SUSD6: variants seen among roughly 807,000 people sequenced by gnomAD.
SUSD6 encodes the protein sushi domain containing 6, also known as sushi domain-containing protein 6.
A neutral mutation model predicts 28.4 loss-of-function variants in SUSD6; 16 were observed. The ratio of observed to expected loss-of-function variants is 0.56; its 90% CI spans 0.38 to 0.86. The LOEUF is 0.86. Among genes scored for constraint, SUSD6 ranks in the 40% least tolerant of loss-of-function variants. The pLI is 0.00. For synonymous variants in SUSD6, 147 were observed against 159.6 expected (o/e 0.92, Z 0.59); for missense variants, 341 against 384.2 (o/e 0.89, Z 0.94).
chr14:69,631,881 G>T (rs1885200079), intron 1 of SUSD6, among the ~76,000 whole-genome samples: 1 of 152,158 alleles, frequency 6.6e-6, no homozygotes, highest in South Asian at 2.1e-4. Context: ...GTGTTTAAAG[G>T]TACAGCATGA....
intron 1 of SUSD6, 50 bp from the exon 2 acceptor site, chr14:69,658,463 C>T: frequency 2.1e-6 from 2 of 962,782 alleles, no homozygotes; most frequent in Non-Finnish European, 3.0e-6. Flanking sequence ...CTGCTTTTAA[C>T]TAACTTATGG....
intron 2 of SUSD6, among the ~76,000 whole-genome samples, chr14:69,661,643 T>C (rs1407053793): frequency 1.3e-5 from 2 of 152,130 alleles, no homozygotes; most frequent in Admixed American, 6.6e-5. Context: ...AGGTGCCCTT[T>C]CTAGGCCTGA....
intron 2 of SUSD6, among the ~76,000 whole-genome samples, chr14:69,661,178 C>T (rs182048900): frequency 2.6e-5 from 4 of 152,262 alleles, no homozygotes; most frequent in East Asian, 3.9e-4. Flanking sequence ...ACTGCCCTGG[C>T]GTGTGGTGTT....
Position 69,628,716 on chromosome 14 carries a change from T to C in SUSD6, c.-81+16888T>C, listed in dbSNP as rs1299620990. On this transcript the variant is annotated intron_variant, in intron 1 of 5. Coordinates refer to ENST00000342745, the MANE Select transcript of SUSD6 (RefSeq NM_014734.4). ...GTTGGAGTGATTCTAAAGCCTGTGG[T>C]GGGTTTTTTTTTTTTTTTTTTTGAG... is the stretch of plus-strand genomic sequence containing the variant. Among the ~76,000 whole-genome samples the C allele has an allele frequency of 2.7e-5, 3 of 109,892 alleles. No individual in the cohort carries two copies. In the South Asian group the frequency reaches 9.5e-4, roughly 35 times the overall value. The allele number at this position is 109,892 out of a possible 152,430, so 72.1% of individuals were successfully genotyped here.
intron 2 of SUSD6, among the ~76,000 whole-genome samples, chr14:69,672,149 C>G (rs1394824918): frequency 6.6e-6 from 1 of 152,088 alleles, no homozygotes; most frequent in African/African-American, 2.4e-5. Flanking sequence ...TTTAATAGCC[C>G]CCCTTTGTAT....
At chr14:69,631,829 A>G (rs553427443) in intron 1 of SUSD6, among the ~76,000 whole-genome samples, 22 of 152,348 alleles carry the variant, frequency 1.4e-4, no homozygotes, top group Non-Finnish European at 2.8e-4. Context: ...TTGCAAAAGC[A>G]GATATTCTCA....
chr14:69,668,345 A>G (rs1885776385), intron 2 of SUSD6, among the ~76,000 whole-genome samples: 2 of 152,118 alleles, frequency 1.3e-5, no homozygotes, highest in South Asian at 2.1e-4. Context: ...GTTTGAAAGT[A>G]TATCCCCAGC....
At chr14:69,656,151 C>T in intron 1 of SUSD6, among the ~76,000 whole-genome samples, 1 of 149,188 alleles carries the variant, frequency 6.7e-6, no homozygotes, top group South Asian at 2.2e-4. Context: ...CCTCCGTCTT[C>T]CTCCATTCTT....
At position 69,703,498 on chromosome 14, in the gene SUSD6, T is replaced by C. The variant is rs781611078; in HGVS notation, c.225T>C (p.Ala75=). ...TAGSVIEYLC[A]EGYMLKGDYK... is the part of the protein sequence containing the mutation. The stretch of plus-strand genomic sequence containing the variant: ...GCAGTGTCATCGAATACCTGTGTGC[T>C]GAAGGCTACATGTTGAAGGGCGATT... Residue 75 remains alanine, a synonymous_variant, in exon 3 of 6, where the codon GCT becomes GCC. Transcript: ENST00000342745. 32 of 1,614,090 alleles carry C rather than the reference T, an allele frequency of 2.0e-5. No homozygotes were observed. Among genetic ancestry groups the C allele is most frequent in the African/African-American group, 2.7e-5 (2 of 74,932 alleles).
intron 1 of SUSD6, among the ~76,000 whole-genome samples, chr14:69,628,007 C>T (rs1885140063): frequency 1.3e-5 from 2 of 151,846 alleles, no homozygotes; most frequent in African/African-American, 2.4e-5. Context: ...GATCTTGACT[C>T]ACTGCAGTCT....
At chr14:69,644,131 G>A (rs1411786025) in intron 1 of SUSD6, among the ~76,000 whole-genome samples, 2 of 152,146 alleles carry the variant, frequency 1.3e-5, no homozygotes, top group South Asian at 4.1e-4. Flanking sequence ...ACTCTTAAGG[G>A]CGTATGCTTC....
intron 1 of SUSD6, among the ~76,000 whole-genome samples, chr14:69,624,453 G>GT (rs1416020968): frequency 0.011 from 1,500 of 135,992 alleles, 19 homozygotes; most frequent in African/African-American, 0.029. Flanking sequence ...ATACTTAGTT[G>GT]TTTTTTTTTT....
At chr14:69,620,291 A>G (rs1431038033) in intron 1 of SUSD6, among the ~76,000 whole-genome samples, 1 of 152,140 alleles carries the variant, frequency 6.6e-6, no homozygotes, top group African/African-American at 2.4e-5. Context: ...TTTCCTTTAC[A>G]TGTACCCTCA....
intron 1 of SUSD6, among the ~76,000 whole-genome samples, chr14:69,653,666 A>G (rs979213873): frequency 9.2e-5 from 14 of 151,572 alleles, no homozygotes; most frequent in Admixed American, 1.3e-4. Flanking sequence ...CCAAAGGAAT[A>G]CTGAAGTGAA....
intron 1 of SUSD6, among the ~76,000 whole-genome samples, chr14:69,629,580 T>C (rs1362170228): frequency 6.6e-6 from 1 of 152,240 alleles, no homozygotes; most frequent in Non-Finnish European, 1.5e-5. Flanking sequence ...GAGTGACCTC[T>C]GGCTGCCACT....
intron 5 of SUSD6, among the ~76,000 whole-genome samples, chr14:69,709,668 G>A (rs1886435555): frequency 6.6e-6 from 1 of 152,212 alleles, no homozygotes; most frequent in Admixed American, 6.5e-5. Flanking sequence ...TTGGCCCACT[G>A]GTAAATGGCT....
intron 1 of SUSD6, among the ~76,000 whole-genome samples, chr14:69,638,030 C>G (rs1885290338): frequency 1.3e-5 from 2 of 152,266 alleles, no homozygotes; most frequent in Admixed American, 1.3e-4. Flanking sequence ...TTTGTTAACT[C>G]TGTGTGTGTG....
rs148486453 is a variant in SUSD6, at chr14:69,705,761, C to G, written c.458+1019C>G. Among the ~76,000 whole-genome samples the G allele has an allele frequency of 7.2e-4, 110 of 152,322 alleles. 1 individual carries two copies. The South Asian group carries it at 0.015, about 21-fold the overall frequency. ...CAAAGGAAGTGGATTTTCTTGCCTG[C>G]CTTTATCAGTTTCCTTTTCCAGTCT... On this transcript the variant is annotated intron_variant, in intron 4 of 5. Transcript: ENST00000342745.
chr14:69,615,284 C>T lies in SUSD6; in HGVS notation c.-81+3456C>T, dbSNP rs543993604. 2.6e-5 allele frequency among the ~76,000 whole-genome samples: 4 copies of T among 152,288 alleles called. No individual in the cohort carries two copies. In the South Asian group the frequency reaches 6.2e-4, roughly 24 times the overall value. ...AACCTTTGGGTGGACTGTCCTTGCGCGTCAAGATCTGTTCACTCCACCCCT... is the reference window on the plus strand; with the variant it reads ...AACCTTTGGGTGGACTGTCCTTGCGTGTCAAGATCTGTTCACTCCACCCCT... On this transcript the variant is annotated intron_variant, in intron 1 of 5. Coordinates refer to ENST00000342745, the MANE Select transcript of SUSD6 (RefSeq NM_014734.4).
Sources: allele counts gnomAD v4.1 joint callset (sites outside exome capture counted in the v4.1 genomes callset), GRCh38; gene constraint gnomAD v4.1.1; transcripts MANE v1.5; gene names NCBI Gene and HGNC (gene_info 2026-07-23, HGNC 2026-07-21).